Variants in TRIP11 observed in about 807,000 individuals in gnomAD.
TRIP11 encodes thyroid receptor-interacting protein 11.
Under a neutral mutation model 223.1 loss-of-function variants are expected in TRIP11, and 148 were observed. The observed-to-expected ratio is 0.66, with a 90% confidence interval of 0.58 to 0.76. The LOEUF (loss-of-function observed/expected upper bound fraction) is 0.76. TRIP11 is among the 30% of genes least tolerant of loss of function. TRIP11 has a pLI of 0.00. For synonymous variants in TRIP11, 762 were observed against 772.6 expected (o/e 0.99, Z 0.23); for missense variants, 2,043 against 2,222.0 (o/e 0.92, Z 1.62).
At chr14:92,010,113 T>C (rs1488026035) in intron 9 of TRIP11, among the ~76,000 whole-genome samples, 1 of 152,200 alleles carries the variant, frequency 6.6e-6, no homozygotes, top group Non-Finnish European at 1.5e-5. Context: ...TTCCCCAAAG[T>C]GGTTCAAACA....
Position 91,968,750 on chromosome 14 carries a change from A to G in TRIP11, c.*923T>C, listed in dbSNP as rs1467902784. On this transcript the variant is annotated 3_prime_UTR_variant, in exon 21 of 21. Coordinates refer to ENST00000267622, the MANE Select transcript of TRIP11 (RefSeq NM_004239.4). ...AAGGGAATTATGCTGAGTGAAAAAAAGCCAGTCTCAAGAGGGTATATATTG... is the reference window on the plus strand; with the variant it reads ...AAGGGAATTATGCTGAGTGAAAAAAGGCCAGTCTCAAGAGGGTATATATTG... The G allele has an allele frequency of 4.4e-6, 1 of 228,984 alleles. No individual in the cohort carries two copies. The highest frequency in any genetic ancestry group is 8.7e-6 in the Non-Finnish European group (1 of 114,688). The allele number at this position is 228,984 out of a possible 1,614,324, so 14.2% of individuals were successfully genotyped here. A position where few individuals can be genotyped will look rare whatever the true frequency, so the allele number is the denominator to read the frequency against.
At chr14:91,974,249 C>T (rs1197521241) in intron 19 of TRIP11, among the ~76,000 whole-genome samples, 4 of 152,202 alleles carry the variant, frequency 2.6e-5, no homozygotes, top group Non-Finnish European at 4.4e-5. Flanking sequence ...CAGTCTAGTT[C>T]ACAGCAGGTA....
Position 92,003,933 on chromosome 14 carries a change from T to C in TRIP11, c.4043A>G (p.Glu1348Gly). ...TAGTGATTTTCTTAGCTCTTCTAACTCTTGCTGAAGCAATTCAGAAGATTC... is the reference window on the plus strand; with the variant it reads ...TAGTGATTTTCTTAGCTCTTCTAACCCTTGCTGAAGCAATTCAGAAGATTC... ...LSESSELLQQ[E>G]LEELRKSLQE... Residue 1348 changes from glutamate to glycine, a missense_variant, in exon 11 of 21, where the codon GAG (glutamate) becomes GGG (glycine). Coordinates refer to ENST00000267622, the MANE Select transcript of TRIP11 (RefSeq NM_004239.4). The C allele has an allele frequency of 6.2e-7, 1 of 1,614,170 alleles. No individual in the cohort carries two copies.
At chr14:91,972,932 C>T in intron 19 of TRIP11, 71 bp from the exon 20 acceptor site, 5 of 1,247,188 alleles carry the variant, frequency 4.0e-6, no homozygotes, top group African/African-American at 3.1e-5. Flanking sequence ...AGGAAATGTA[C>T]CAGCTTTTCT....
At chr14:91,972,022 A>AGAG (rs2056406374) in intron 20 of TRIP11, among the ~76,000 whole-genome samples, 1 of 152,206 alleles carries the variant, frequency 6.6e-6, no homozygotes, top group East Asian at 1.9e-4. Context: ...CCAATAAAGA[A>AGAG]TTTGTTTATA....
rs1303546792 is a variant in TRIP11 at position 92,014,271 on chromosome 14, A to G, written c.1130T>C (p.Ile377Thr). Residue 377 changes from isoleucine to threonine, a missense_variant, in exon 7 of 21, where the codon ATT becomes ACT. Ile to Thr is a moderately conservative substitution (Grantham distance 89). Coordinates refer to ENST00000267622, the MANE Select transcript of TRIP11 (RefSeq NM_004239.4). ...QSDTMTEKER[I>T]LAQSASVEEV... is the part of the protein sequence containing the mutation. ...TTCCACTGATGCACTCTGGGCAAGAATTCTTTCCTTTTCTGTCATAGTATC... is the reference window on the plus strand; with the variant it reads ...TTCCACTGATGCACTCTGGGCAAGAGTTCTTTCCTTTTCTGTCATAGTATC... 6 of 1,614,070 alleles carry G rather than the reference A, an allele frequency of 3.7e-6. No individual in the cohort carries two copies. The South Asian group carries it at 6.6e-5, about 18-fold the overall frequency.
In TRIP11 at chr14:92,025,333, G is replaced by A. The variant is rs750400656; in HGVS notation, c.289C>T (p.Arg97Ter). ...ACCTCTTTTTGTTGAAGTTGATTTCGGTAACTTGTAGATTGCTGCTTTATT... is the reference window on the plus strand; with the variant it reads ...ACCTCTTTTTGTTGAAGTTGATTTCAGTAACTTGTAGATTGCTGCTTTATT... ...IQIKQQSTSY[R>*]NQLQQKEVEI... Residue 97 changes from arginine (R) to a stop codon, truncating the protein, a stop_gained, in exon 3 of 21, where the codon CGA becomes TGA. Transcript: ENST00000267622. LOFTEE classifies it high-confidence loss of function. 5.6e-6 allele frequency: 9 copies of A among 1,613,182 alleles called. No individual in the cohort carries two copies. The highest frequency in any genetic ancestry group is 1.3e-5 in the African/African-American group (1 of 74,920).
intron 1 of TRIP11, among the ~76,000 whole-genome samples, 179 bp downstream of exon 1, chr14:92,039,368 A>G (rs1475054396): frequency 1.3e-5 from 2 of 152,166 alleles, no homozygotes; most frequent in African/African-American, 2.4e-5. Context: ...CCTGGCCCCC[A>G]GTGGTCTTTC....
Position 92,004,847 on chromosome 14 carries a change from A to G in TRIP11, c.3129T>C (p.Thr1043=). ...CTTTGGACAACTGATCAATCTGTTTAGTTAAAGATATATTCTTTTCATTTA... is the reference window on the plus strand; with the variant it reads ...CTTTGGACAACTGATCAATCTGTTTGGTTAAAGATATATTCTTTTCATTTA... The part of the protein sequence containing the change: ...KLLNEKNISL[T]KQIDQLSKDE... Residue 1043 remains threonine, a synonymous_variant, in exon 11 of 21, where the codon ACT becomes ACC. Transcript: ENST00000267622. 6.2e-7 allele frequency: 1 copy of G among 1,613,958 alleles called. No homozygotes were observed. Among genetic ancestry groups the G allele is most frequent in the Non-Finnish European group, 8.5e-7 (1 of 1,179,980 alleles).
intron 17 of TRIP11, among the ~76,000 whole-genome samples, chr14:91,975,798 A>G (rs17127793): frequency 0.012 from 1,869 of 152,278 alleles, 40 homozygotes; most frequent in African/African-American, 0.041. Flanking sequence ...AAGGACAGTA[A>G]AAGAAGCAAA....
chr14:91,966,527 C>T lies in TRIP11; in HGVS notation c.*3146G>A. ...GTCCCTGAAGACATAGCTTTTCCCC[C>T]CATTGATTGGATAAGTATTTTGATA... On this transcript the variant is annotated 3_prime_UTR_variant, in exon 21 of 21. Coordinates refer to ENST00000267622, the MANE Select transcript of TRIP11 (RefSeq NM_004239.4). 1 of 199,428 alleles carries T rather than the reference C, an allele frequency of 5.0e-6. No individual in the cohort carries two copies. The highest frequency in any genetic ancestry group is 1.0e-5 in the Non-Finnish European group (1 of 96,504). The allele number at this position is 199,428 out of a possible 1,614,324, so 12.4% of individuals were successfully genotyped here.
chr14:92,010,772 C>T lies in TRIP11; in HGVS notation c.1314+214G>A, dbSNP rs114779319. Reference sequence around the variant, plus strand: ...TTTTCTGCTTGATTCTGTGTGCCTACTAGCTTATTTCTAAATACGAACTCA... The same window carrying T: ...TTTTCTGCTTGATTCTGTGTGCCTATTAGCTTATTTCTAAATACGAACTCA... On this transcript the variant is annotated intron_variant, in intron 9 of 20. Coordinates refer to ENST00000267622, the MANE Select transcript of TRIP11 (RefSeq NM_004239.4). Among the ~76,000 whole-genome samples, 1,537 of 151,944 alleles carry T rather than the reference C, an allele frequency of 0.01. 22 individuals carry two copies. Among genetic ancestry groups the T allele is most frequent in the African/African-American group, 0.034 (1,409 of 41,424 alleles).
rs773364224 is a variant in TRIP11, at chr14:92,025,419, T to A, written c.203A>T (p.Asn68Ile). 25 of 1,609,452 alleles carry A rather than the reference T, an allele frequency of 1.6e-5. No individual in the cohort carries two copies. The Admixed American group carries it at 2.2e-4, about 14-fold the overall frequency. Residue 68 changes from asparagine to isoleucine, a missense_variant and splice_region_variant, in exon 3 of 21, where the codon AAT (asparagine) becomes ATT (isoleucine). Asn to Ile is a moderately radical substitution (Grantham distance 149). Coordinates refer to ENST00000267622, the MANE Select transcript of TRIP11 (RefSeq NM_004239.4). ...AGTACAAAGTTTCTTAAGCCTTTCA[T>A]TCTAGAAAAAAAAAGTATTTTCAAC... ...EAIHAILRSE[N>I]ERLKKLCTDL... is the part of the protein sequence containing the mutation.
At chr14:91,995,031 CTCT>C (rs2056731359) in intron 14 of TRIP11, among the ~76,000 whole-genome samples, 1 of 150,436 alleles carries the variant, frequency 6.6e-6, no homozygotes, top group Non-Finnish European at 1.5e-5. Flanking sequence ...TTGTATTCTC[CTCT>C]TCATTACTTG....
chr14:91,983,843 C>T (rs946273371), intron 16 of TRIP11, among the ~76,000 whole-genome samples: 1 of 152,190 alleles, frequency 6.6e-6, no homozygotes, highest in African/African-American at 2.4e-5. Flanking sequence ...TTGTATAAAT[C>T]ATGTCCTGGA....
chr14:91,971,769 C>G (rs923727900), intron 20 of TRIP11, among the ~76,000 whole-genome samples: 1 of 152,198 alleles, frequency 6.6e-6, no homozygotes, highest in South Asian at 2.1e-4. Flanking sequence ...ATTTAGCAGG[C>G]AAAACTACTT....
Position 92,003,526 on chromosome 14 carries a change from C to T in TRIP11, c.4450G>A (p.Glu1484Lys). 1 of 1,614,122 alleles carries T rather than the reference C, an allele frequency of 6.2e-7. No individual in the cohort carries two copies. The highest frequency in any genetic ancestry group is 2.2e-5 in the East Asian group (1 of 44,858). ...ATCATAGAAAACTTCATGTTAGTCT[C>T]TTGTAACGCTTGATATTCTGTTTCC... ...GKETEYQALQETNMKFSMMLR... is the reference protein window; with the variant it reads ...GKETEYQALQKTNMKFSMMLR... Residue 1484 changes from glutamate (E) to lysine (K), a missense_variant, in exon 11 of 21, where the codon GAG (glutamate) becomes AAG (lysine). Coordinates refer to ENST00000267622, the MANE Select transcript of TRIP11 (RefSeq NM_004239.4).
chr14:92,002,036 A>G (rs2056833596), intron 11 of TRIP11, among the ~76,000 whole-genome samples: 1 of 152,212 alleles, frequency 6.6e-6, no homozygotes, highest in South Asian at 2.1e-4. Context: ...GCAGCAAGTA[A>G]TGCTCAAGAA....
chr14:91,987,449 T>A (rs904139527), intron 16 of TRIP11, among the ~76,000 whole-genome samples: 7 of 152,198 alleles, frequency 4.6e-5, no homozygotes, highest in Non-Finnish European at 1.5e-5. Context: ...TGTTGACAGC[T>A]CCTCTGCTGT....
Sources: gnomAD v4.1 joint callset for allele counts (sites outside exome capture counted in the v4.1 genomes callset) on GRCh38, gnomAD v4.1.1 for gene constraint, MANE v1.5 for transcripts, NCBI Gene and HGNC (gene_info 2026-07-23, HGNC 2026-07-21) for gene names.